SCHIP1: variants seen among roughly 807,000 people sequenced by gnomAD.
SCHIP1 encodes the protein schwannomin interacting protein 1, also known as schwannomin-interacting protein 1.
In SCHIP1, 8 loss-of-function variants were observed where a neutral mutation model predicts 29.7. That is an observed-to-expected ratio of 0.27 (90% CI 0.16 to 0.49). SCHIP1 has a LOEUF of 0.49. Ranked by LOEUF, SCHIP1 falls within the 20% of genes least tolerant of loss-of-function variation. SCHIP1 has a pLI of 0.99. For synonymous variants in SCHIP1, 76 were observed against 94.9 expected (o/e 0.80, Z 1.16); for missense variants, 193 against 294.6 (o/e 0.66, Z 2.52).
chr3:159,509,387 AT>A, the SCHIP1 span, among the ~76,000 whole-genome samples: 20 of 152,204 alleles, frequency 1.3e-4, no homozygotes, highest in Admixed American at 1.3e-3. Flanking sequence ...GGTTTCCTGA[AT>A]AGAGCACACT....
chr3:159,813,946 G>C, the SCHIP1 span, among the ~76,000 whole-genome samples: 1 of 152,160 alleles, frequency 6.6e-6, no homozygotes, highest in Non-Finnish European at 1.5e-5. Flanking sequence ...CAACTATCCA[G>C]ACCTGAGAGT....
the SCHIP1 span, among the ~76,000 whole-genome samples, chr3:159,650,442 G>T: frequency 1.3e-5 from 2 of 152,090 alleles, no homozygotes; most frequent in Non-Finnish European, 2.9e-5. Flanking sequence ...AAAATACTAG[G>T]TAGTGAGAAA....
At chr3:159,430,973 G>A in the SCHIP1 span, among the ~76,000 whole-genome samples, 1 of 152,158 alleles carries the variant, frequency 6.6e-6, no homozygotes, top group Non-Finnish European at 1.5e-5. Flanking sequence ...ATAATAAGCT[G>A]GAGTTGAAGC....
chr3:159,502,938 A>G, the SCHIP1 span, among the ~76,000 whole-genome samples: 1 of 152,232 alleles, frequency 6.6e-6, no homozygotes, highest in Non-Finnish European at 1.5e-5. Context: ...CTATTAAAAT[A>G]TAAAGACGCT....
At chr3:159,725,342 T>A in the SCHIP1 span, among the ~76,000 whole-genome samples, 1 of 151,370 alleles carries the variant, frequency 6.6e-6, no homozygotes, top group Non-Finnish European at 1.5e-5. Flanking sequence ...TGATCTCAGC[T>A]CACTGCAACC....
chr3:159,309,623 AC>A, the SCHIP1 span, among the ~76,000 whole-genome samples: 7 of 152,104 alleles, frequency 4.6e-5, no homozygotes, highest in Non-Finnish European at 4.4e-5. Flanking sequence ...ATCAGATCAT[AC>A]ACTACTGTTT....
At chr3:159,868,997 G>C (rs1049976773) in intron 2 of SCHIP1, among the ~76,000 whole-genome samples, 3 of 151,942 alleles carry the variant, frequency 2.0e-5, no homozygotes, top group Admixed American at 6.6e-5. Flanking sequence ...AGATTGAATA[G>C]GTATAAAATG....
the SCHIP1 span, among the ~76,000 whole-genome samples, chr3:159,388,198 A>C: frequency 6.6e-6 from 1 of 152,268 alleles, no homozygotes; most frequent in African/African-American, 2.4e-5. Flanking sequence ...TCTACCTGGA[A>C]TATCTAAGAC....
At chr3:159,383,594 C>G in the SCHIP1 span, among the ~76,000 whole-genome samples, 1 of 145,010 alleles carries the variant, frequency 6.9e-6, no homozygotes, top group African/African-American at 2.5e-5. Flanking sequence ...AATGCGGGCT[C>G]TTTTTTGGTT....
chr3:159,612,903 G>A, the SCHIP1 span, among the ~76,000 whole-genome samples: 1 of 152,152 alleles, frequency 6.6e-6, no homozygotes. Flanking sequence ...CAGATGATTA[G>A]CCAGATGTAG....
At chr3:159,423,351 C>T in the SCHIP1 span, among the ~76,000 whole-genome samples, 1 of 152,238 alleles carries the variant, frequency 6.6e-6, no homozygotes, top group East Asian at 1.9e-4. Context: ...GTCACTCCCA[C>T]CTGAATACTG....
the SCHIP1 span, among the ~76,000 whole-genome samples, chr3:159,394,483 G>C: frequency 8.3e-4 from 126 of 152,098 alleles, no homozygotes; most frequent in South Asian, 0.018. Flanking sequence ...TTTTGAAATA[G>C]GTCCCATCAA....
At chr3:159,468,778 T>TATA in the SCHIP1 span, among the ~76,000 whole-genome samples, 8 of 64,344 alleles carry the variant, frequency 1.2e-4, no homozygotes, top group African/African-American at 5.7e-4. Context: ...TATATATATA[T>TATA]TTTTTTTAGA....
chr3:159,410,306 A>G, the SCHIP1 span, among the ~76,000 whole-genome samples: 9 of 152,304 alleles, frequency 5.9e-5, no homozygotes, highest in African/African-American at 2.2e-4. Flanking sequence ...AAGCTTCTGC[A>G]CAGCAAAGGA....
chr3:159,425,887 C>T, the SCHIP1 span, among the ~76,000 whole-genome samples: 1 of 152,222 alleles, frequency 6.6e-6, no homozygotes, highest in Admixed American at 6.5e-5. Flanking sequence ...GATTAAGAAA[C>T]TCACTCAAAA....
chr3:159,716,508 C>G, the SCHIP1 span, among the ~76,000 whole-genome samples: 4 of 152,170 alleles, frequency 2.6e-5, no homozygotes, highest in South Asian at 2.1e-4. Context: ...GGAGACCCCT[C>G]TCATGTGCAG....
the SCHIP1 span, among the ~76,000 whole-genome samples, chr3:159,569,013 T>C: frequency 6.6e-6 from 1 of 152,278 alleles, no homozygotes; most frequent in East Asian, 1.9e-4. Flanking sequence ...CTAAAAACTA[T>C]TTTACCTAAT....
At chr3:159,661,711 T>C in the SCHIP1 span, among the ~76,000 whole-genome samples, 1 of 152,170 alleles carries the variant, frequency 6.6e-6, no homozygotes, top group Non-Finnish European at 1.5e-5. Flanking sequence ...TCTTGTAGCC[T>C]TGTCCAAAGA....
At chr3:159,562,578 T>C in the SCHIP1 span, among the ~76,000 whole-genome samples, 10 of 152,260 alleles carry the variant, frequency 6.6e-5, no homozygotes, top group South Asian at 1.7e-3. Context: ...ACAGAGACCT[T>C]TAAGTGTCCA....
Sources: allele counts gnomAD v4.1 joint callset (sites outside exome capture counted in the v4.1 genomes callset), GRCh38; gene constraint gnomAD v4.1.1; transcripts MANE v1.5; gene names NCBI Gene and HGNC (gene_info 2026-07-23, HGNC 2026-07-21).